Variants in UMODL1 observed in about 807,000 individuals in gnomAD.
UMODL1 encodes uromodulin-like 1.
UMODL1 carries 128 observed loss-of-function variants against 136.3 expected under a neutral mutation model. The observed-to-expected ratio is 0.94, with a 90% confidence interval of 0.81 to 1.09. The LOEUF is 1.09. UMODL1 is among the 50% of genes least tolerant of loss of function. The pLI is 0.00. For synonymous variants in UMODL1, 721 were observed against 720.0 expected (o/e 1.00, Z -0.02); for missense variants, 1,766 against 1,725.6 (o/e 1.02, Z -0.41).
chr21:42,077,444 A>G (rs375856422), intron 2 of UMODL1, among the ~76,000 whole-genome samples: 111 of 152,102 alleles, frequency 7.3e-4, no homozygotes, highest in Middle Eastern at 3.4e-3. Context: ...GTTTAGAAAG[A>G]GGAGTGGGGG....
intron 6 of UMODL1, among the ~76,000 whole-genome samples, chr21:42,091,347 G>A (rs966620262): frequency 2.0e-5 from 3 of 152,212 alleles, no homozygotes; most frequent in Admixed American, 1.3e-4. Context: ...GCAGAAGAGC[G>A]GACTGGGTGT....
At chr21:42,090,832 G>A (rs1425291467) in intron 6 of UMODL1, among the ~76,000 whole-genome samples, 1 of 152,194 alleles carries the variant, frequency 6.6e-6, no homozygotes, top group African/African-American at 2.4e-5. Context: ...TCTGATGTTA[G>A]TTCTGTTTAG....
Position 42,090,731 on chromosome 21 carries a change from T to C in UMODL1, c.931+293T>C, listed in dbSNP as rs138577229. ...TAGAAAACAGCAGTCCCACGTGTGT[T>C]GTTAACATTGTTCTCGAACAAGTTG... On this transcript the variant is annotated intron_variant, in intron 6 of 22. Coordinates refer to ENST00000408910, the MANE Select transcript of UMODL1 (RefSeq NM_001004416.3). Among the ~76,000 whole-genome samples the C allele has an allele frequency of 2.4e-3, 360 of 152,364 alleles. 2 individuals are homozygous for C. Among genetic ancestry groups the C allele is most frequent in the Non-Finnish European group, 4.0e-3 (273 of 68,036 alleles).
At chr21:42,100,617 T>C (rs964057576) in intron 7 of UMODL1, among the ~76,000 whole-genome samples, 1 of 152,104 alleles carries the variant, frequency 6.6e-6, no homozygotes, top group African/African-American at 2.4e-5. Flanking sequence ...TTTTGGAAAC[T>C]GAGGCCTGAG....
chr21:42,100,518 C>T (rs1458219630), intron 7 of UMODL1, among the ~76,000 whole-genome samples: 7 of 152,062 alleles, frequency 4.6e-5, no homozygotes, highest in Admixed American at 2.0e-4. Flanking sequence ...ACTGTGCACG[C>T]GGCATCCCAT....
At chr21:42,118,884 T>TG (rs35951407) in intron 14 of UMODL1, among the ~76,000 whole-genome samples, 13 of 151,868 alleles carry the variant, frequency 8.6e-5, no homozygotes, top group African/African-American at 1.2e-4. Context: ...TTTACTGGTT[T>TG]GGGGGGGGAA....
At chr21:42,101,973 T>G (rs2066640015) in intron 7 of UMODL1, among the ~76,000 whole-genome samples, 193 bp from the exon 8 acceptor site, 1 of 152,212 alleles carries the variant, frequency 6.6e-6, no homozygotes, top group African/African-American at 2.4e-5. Flanking sequence ...GTCTCTGCCC[T>G]GGACATAAAA....
At position 42,142,725 on chromosome 21, in the gene UMODL1, C is replaced by T. The variant is rs1236938749; in HGVS notation, c.*651C>T. 4 of 152,312 alleles carry T rather than the reference C, an allele frequency of 2.6e-5. No individual in the cohort carries two copies. Among genetic ancestry groups the T allele is most frequent in the Admixed American group, 6.5e-5 (1 of 15,306 alleles). The allele number at this position is 152,312 out of a possible 1,614,324, so 9.4% of individuals were successfully genotyped here. ...CAACCTTTTCAATAAGCAGAAATAACGTAGGTACACATCACTCTTTACATT... is the reference window on the plus strand; with the variant it reads ...CAACCTTTTCAATAAGCAGAAATAATGTAGGTACACATCACTCTTTACATT... On this transcript the variant is annotated 3_prime_UTR_variant, in exon 23 of 23. Transcript: ENST00000408910.
At chr21:42,107,533 C>T (rs1306907420) in intron 9 of UMODL1, among the ~76,000 whole-genome samples, 1 of 152,234 alleles carries the variant, frequency 6.6e-6, no homozygotes, top group Non-Finnish European at 1.5e-5. Flanking sequence ...GGCTAACCTA[C>T]TGCAGGCTGC....
intron 18 of UMODL1, 106 bp downstream of exon 18, chr21:42,126,596 G>T: frequency 6.7e-7 from 1 of 1,500,194 alleles, no homozygotes; most frequent in Non-Finnish European, 9.0e-7. Flanking sequence ...TCCTTGAGAT[G>T]GAATATACAA....
At chr21:42,141,094 A>T (rs1342453885) in intron 22 of UMODL1, among the ~76,000 whole-genome samples, 1 of 152,196 alleles carries the variant, frequency 6.6e-6, no homozygotes, top group Non-Finnish European at 1.5e-5. Flanking sequence ...TTTTTGAAAC[A>T]ACTCAGCAAA....
chr21:42,069,825 A>C (rs148746433), upstream of UMODL1, among the ~76,000 whole-genome samples: 2 of 152,242 alleles, frequency 1.3e-5, no homozygotes, highest in African/African-American at 4.8e-5. Flanking sequence ...ATTTACTTAA[A>C]TCATAATACT....
At chr21:42,070,343 CAACGGTGCAG>C (rs1451640012), upstream of UMODL1, among the ~76,000 whole-genome samples, 3 of 152,196 alleles carry the variant, frequency 2.0e-5, no homozygotes, top group Non-Finnish European at 4.4e-5. Context: ...GAGAGGCAAT[CAACGGTGCAG>C]TATGAAAACA....
intron 2 of UMODL1, among the ~76,000 whole-genome samples, chr21:42,077,402 G>A (rs527523581): frequency 6.6e-6 from 1 of 152,046 alleles, no homozygotes; most frequent in Non-Finnish European, 1.5e-5. Context: ...TCTCAGCCCC[G>A]AAGAAGGGGC....
At chr21:42,141,741 C>T (rs1328533176) in intron 22 of UMODL1, among the ~76,000 whole-genome samples, 3 of 152,054 alleles carry the variant, frequency 2.0e-5, no homozygotes, top group Non-Finnish European at 4.4e-5. Flanking sequence ...CCTTGGGCAG[C>T]CCCACTCAGA....
chr21:42,134,957 G>T (rs1252910207), intron 21 of UMODL1, among the ~76,000 whole-genome samples: 1 of 152,126 alleles, frequency 6.6e-6, no homozygotes, highest in Non-Finnish European at 1.5e-5. Context: ...TGGGATACAT[G>T]TGCAGAACGT....
intron 14 of UMODL1, among the ~76,000 whole-genome samples, chr21:42,116,960 G>A (rs1327569196): frequency 6.6e-6 from 1 of 151,974 alleles, no homozygotes; most frequent in Non-Finnish European, 1.5e-5. Context: ...CCTGTAATCC[G>A]AGGTACTCAG....
At position 42,123,099 on chromosome 21, in the gene UMODL1, A is replaced by G; in HGVS notation, c.3096A>G (p.Thr1032=). The G allele has an allele frequency of 6.2e-7, 1 of 1,614,112 alleles. No individual in the cohort carries two copies. Among genetic ancestry groups the G allele is most frequent in the Non-Finnish European group, 8.5e-7 (1 of 1,179,994 alleles). ...PSCNVSHSNG[T]HVLLEAGWSE... is the part of the protein sequence containing the mutation. ...GCAACGTGAGCCACAGCAATGGCAC[A>G]CACGTGCTCCTGGAGGCCGGCTGGA... The change falls in exon 17 of 23, where the codon ACA becomes ACG. Residue 1032 remains threonine (T), a synonymous_variant. Transcript: ENST00000408910. This position sits in a 1 kb window ranked among gnomAD's most constrained non-coding sequence, Gnocchi z 4.4.
At position 42,076,043 on chromosome 21, in the gene UMODL1, C is replaced by G; in HGVS notation, c.115C>G (p.His39Asp). Residue 39 changes from histidine to aspartate, a missense_variant, in exon 2 of 23, where the codon CAC (histidine) becomes GAC (aspartate). Coordinates refer to ENST00000408910, the MANE Select transcript of UMODL1 (RefSeq NM_001004416.3). ...CCTGTTGGGCTACCAGCTATGCAGC[C>G]ACCGTGTGACCCACACTGTACAGAA... is the stretch of plus-strand genomic sequence containing the variant. ...LSLLGYQLCS[H>D]RVTHTVQKVE... 1.2e-6 allele frequency: 2 copies of G among 1,614,232 alleles called. No individual in the cohort carries two copies. The highest frequency in any genetic ancestry group is 1.7e-6 in the Non-Finnish European group (2 of 1,180,030).
Sources: gnomAD v4.1 joint callset for allele counts (sites outside exome capture counted in the v4.1 genomes callset) on GRCh38, gnomAD v4.1.1 for gene constraint, Gnocchi (gnomAD v3.1) non-coding constraint, MANE v1.5 for transcripts, NCBI Gene and HGNC (gene_info 2026-07-23, HGNC 2026-07-21) for gene names.